Variants in PRELID2 observed in about 807,000 individuals in gnomAD.
The protein encoded by PRELID2 is PRELI domain-containing protein 2.
A neutral mutation model predicts 28.4 loss-of-function variants in PRELID2; 25 were observed. The observed-to-expected ratio is 0.88, with a 90% CI of 0.64 to 1.23. The LOEUF is 1.23. Ranked by LOEUF, PRELID2 falls within the 50% of genes most tolerant of loss-of-function variation. PRELID2 has a pLI of 0.00. For synonymous variants in PRELID2, 76 were observed against 71.6 expected, an observed-to-expected ratio of 1.06 and a Z score of -0.31; for missense variants, 201 against 214.4, an observed-to-expected ratio of 0.94 and a Z score of 0.39.
At chr5:145,538,753 C>T (rs1237296232) in intron 1 of PRELID2, among the ~76,000 whole-genome samples, 2 of 151,928 alleles carry the variant, frequency 1.3e-5, no homozygotes, top group Non-Finnish European at 2.9e-5. Context: ...GTACTGTGCT[C>T]AGTGGCATCC....
chr5:145,456,116 G>A, the PRELID2 span, among the ~76,000 whole-genome samples: 1 of 152,172 alleles, frequency 6.6e-6, no homozygotes, highest in Non-Finnish European at 1.5e-5. Flanking sequence ...AAAGGTGACT[G>A]GTCTGCAAAA....
chr5:145,751,258 G>T (rs1757115825), intron 1 of PRELID2, among the ~76,000 whole-genome samples: 1 of 152,178 alleles, frequency 6.6e-6, no homozygotes, highest in African/African-American at 2.4e-5. Context: ...TGATGGCAAG[G>T]CTTACCCAGG....
intron 1 of PRELID2, among the ~76,000 whole-genome samples, chr5:145,560,284 C>T (rs1251226672): frequency 6.6e-6 from 1 of 152,158 alleles, no homozygotes; most frequent in Non-Finnish European, 1.5e-5. Flanking sequence ...CATACTTATT[C>T]TCCCCTCTTT....
intron 1 of PRELID2, among the ~76,000 whole-genome samples, chr5:145,749,899 G>C (rs1179725840): frequency 6.6e-6 from 1 of 152,002 alleles, no homozygotes; most frequent in Non-Finnish European, 1.5e-5. Context: ...TCACTCATAA[G>C]TGGGAGTTGA....
chr5:145,422,035 G>C, the PRELID2 span, among the ~76,000 whole-genome samples: 2 of 144,112 alleles, frequency 1.4e-5, no homozygotes, highest in Non-Finnish European at 3.1e-5. Flanking sequence ...CCATGTAGTT[G>C]AGTGGTTTTG....
At chr5:145,436,269 T>A in the PRELID2 span, among the ~76,000 whole-genome samples, 1 of 152,182 alleles carries the variant, frequency 6.6e-6, no homozygotes, top group East Asian at 1.9e-4. Context: ...ATGATCTTAT[T>A]GTTATTTATG....
At chr5:145,470,862 A>C (rs1752047706), downstream of PRELID2, among the ~76,000 whole-genome samples, 1 of 152,072 alleles carries the variant, frequency 6.6e-6, no homozygotes, top group Non-Finnish European at 1.5e-5. Context: ...GCCACTGTCA[A>C]GTCAAAACAG....
chr5:145,414,137 T>A, the PRELID2 span, among the ~76,000 whole-genome samples: 2 of 152,170 alleles, frequency 1.3e-5, no homozygotes. Flanking sequence ...ACATCAGCAA[T>A]ATACCATATC....
intron 1 of PRELID2, among the ~76,000 whole-genome samples, chr5:145,549,509 T>C (rs1752814936): frequency 6.6e-6 from 1 of 152,152 alleles, no homozygotes; most frequent in Admixed American, 6.6e-5. Context: ...CCAGGTGCAG[T>C]GGCACACGCC....
chr5:145,648,074 A>G (rs1754227536), intron 1 of PRELID2, among the ~76,000 whole-genome samples: 1 of 152,312 alleles, frequency 6.6e-6, no homozygotes, highest in South Asian at 2.1e-4. Flanking sequence ...GTAAGGAATG[A>G]GTATAATTAG....
At chr5:145,386,559 A>G in the PRELID2 span, among the ~76,000 whole-genome samples, 81 of 152,220 alleles carry the variant, frequency 5.3e-4, 2 homozygotes, top group South Asian at 0.011. Context: ...CTCCCCAGCC[A>G]TGCAGAACTG....
chr5:145,627,136 AAAAAAAAAAAT>A, intron 1 of PRELID2, among the ~76,000 whole-genome samples: 1 of 129,234 alleles, frequency 7.7e-6, no homozygotes, highest in African/African-American at 3.1e-5. Flanking sequence ...AAAAAAAAAA[AAAAAAAAAAAT>A]TTGTGTATAT....
At chr5:145,451,776 T>G in the PRELID2 span, among the ~76,000 whole-genome samples, 1 of 152,210 alleles carries the variant, frequency 6.6e-6, no homozygotes, top group Non-Finnish European at 1.5e-5. Flanking sequence ...AAAGTCAGTT[T>G]ATATTTTAAT....
At chr5:145,477,099 C>T (rs977730419) in intron 1 of PRELID2, among the ~76,000 whole-genome samples, 1 of 152,144 alleles carries the variant, frequency 6.6e-6, no homozygotes, top group Non-Finnish European at 1.5e-5. Flanking sequence ...GTAATCTTTT[C>T]ATGGCAAGTG....
intron 1 of PRELID2, among the ~76,000 whole-genome samples, chr5:145,485,477 G>A (rs114051232): frequency 0.013 from 1,917 of 152,334 alleles, 37 homozygotes; most frequent in African/African-American, 0.044. Flanking sequence ...CAGAATGAGT[G>A]CATGTATGTA....
the PRELID2 span, among the ~76,000 whole-genome samples, chr5:145,252,183 C>G: frequency 6.6e-6 from 1 of 152,136 alleles, no homozygotes. Flanking sequence ...GAATCAACCT[C>G]TCTAGAGGTG....
intron 1 of PRELID2, among the ~76,000 whole-genome samples, chr5:145,660,307 C>T (rs1022261502): frequency 6.6e-5 from 10 of 152,088 alleles, no homozygotes; most frequent in African/African-American, 2.4e-4. Flanking sequence ...TGTTGAATTC[C>T]ATCATCTCCA....
chr5:145,834,543 T>C (rs1755807525), intron 1 of PRELID2: 1 of 152,268 alleles, frequency 6.6e-6, no homozygotes, highest in Non-Finnish European at 1.5e-5. Context: ...ACTCCCAGGA[T>C]GCAGCCCTCA....
chr5:145,708,864 A>T (rs1452180052), intron 1 of PRELID2, among the ~76,000 whole-genome samples: 1 of 152,244 alleles, frequency 6.6e-6, no homozygotes. Flanking sequence ...CAGCATTCTC[A>T]GTCGGGTGGG....
Sources: allele counts gnomAD v4.1 joint callset (sites outside exome capture counted in the v4.1 genomes callset), GRCh38; gene constraint gnomAD v4.1.1; transcripts MANE v1.5; gene names NCBI Gene and HGNC (gene_info 2026-07-23, HGNC 2026-07-21).